Variants in ZNF275 observed in about 807,000 individuals in gnomAD.
ZNF275 encodes the protein zinc finger protein 275.
A neutral mutation model predicts 4.3 loss-of-function variants in ZNF275; 4 were observed. The observed-to-expected ratio is 0.93, with a 90% confidence interval of 0.46 to 2.13. The LOEUF is 2.13. Among genes scored for constraint, ZNF275 ranks in the 30% most tolerant of loss-of-function variants. The pLI is 0.02. For missense variants in ZNF275, 352 were observed against 397.1 expected (o/e 0.89, Z 0.97); for synonymous variants, 173 against 166.9 (o/e 1.04, Z -0.28).
intron 2 of ZNF275, among the ~76,000 whole-genome samples, chrX:153,337,214 G>C (rs2088451924): frequency 9.0e-6 from 1 of 111,555 alleles, no homozygotes; most frequent in Admixed American, 9.5e-5. Context: ...TGGTCTTGCT[G>C]CCTTTCCCCT....
chrX:153,347,909 C>T lies in ZNF275; in HGVS notation c.1224C>T (p.Ser408=), dbSNP rs782047830. 16 of 1,175,374 alleles carry T rather than the reference C, an allele frequency of 1.4e-5. 1 individual carries two copies. The East Asian group carries it at 4.7e-4, about 34-fold the overall frequency. The change falls in exon 4 of 4, where the codon AGC becomes AGT. Residue 408 remains serine, a synonymous_variant. Transcript: ENST00000650114. The part of the protein sequence containing the change: ...IHSGARRCEC[S]QCGRVFKRRS... ...GTGGGGCGCGGCGCTGCGAATGCAGCCAGTGTGGCCGCGTGTTCAAGAGGC... is the reference window on the plus strand; with the variant it reads ...GTGGGGCGCGGCGCTGCGAATGCAGTCAGTGTGGCCGCGTGTTCAAGAGGC...
rs2088557427 is a variant in ZNF275, at chrX:153,351,693, T to G, written c.*3718T>G. On this transcript the variant is annotated 3_prime_UTR_variant, in exon 4 of 4. Transcript: ENST00000650114. Reference sequence around the variant, plus strand: ...AAAATTTTCAAAAGAAAGTAATTGATTACCATTTTTGCTGCTTATTACGAT... The same window carrying G: ...AAAATTTTCAAAAGAAAGTAATTGAGTACCATTTTTGCTGCTTATTACGAT... 1 of 112,361 alleles carries G rather than the reference T, an allele frequency of 8.9e-6. No individual in the cohort carries two copies. Among genetic ancestry groups the G allele is most frequent in the African/African-American group, 3.2e-5 (1 of 30,862 alleles). The allele number at this position is 112,361 out of a possible 1,213,427, so 9.3% of individuals were successfully genotyped here. A position where few individuals can be genotyped will look rare whatever the true frequency, so the allele number is the denominator to read the frequency against.
chrX:153,346,723 G>A (rs954911931), intron 3 of ZNF275, 96 bp from the exon 4 acceptor site: 9 of 971,862 alleles, frequency 9.3e-6, no homozygotes, highest in Non-Finnish European at 1.2e-5. Context: ...CCCGTGCTCA[G>A]TGGCTGTCTC....
At chrX:153,337,864 C>T (rs1255579042) in intron 2 of ZNF275, among the ~76,000 whole-genome samples, 2 of 111,773 alleles carry the variant, frequency 1.8e-5, no homozygotes, top group Non-Finnish European at 3.8e-5. Context: ...TGTTTTTCCA[C>T]AGTATTTCTT....
intron 3 of ZNF275, among the ~76,000 whole-genome samples, chrX:153,346,058 T>C (rs1480387738): frequency 6.7e-5 from 7 of 104,364 alleles, no homozygotes; most frequent in Admixed American, 4.0e-4. Context: ...AGGGGCCCAT[T>C]TGGGCTCCTG....
rs1556961995 is a variant in ZNF275, at chrX:153,348,757, TGTC to T, written c.*785_*787del. 1 of 123,364 alleles carries T rather than the reference TGTC, an allele frequency of 8.1e-6. No homozygotes were observed. The highest frequency in any genetic ancestry group is 3.2e-5 in the African/African-American group (1 of 30,770). 10.2% of individuals were successfully genotyped at this position (123,364 alleles called of 1,213,427 possible). A position where few individuals can be genotyped will look rare whatever the true frequency, so the allele number is the denominator to read the frequency against. The stretch of plus-strand genomic sequence containing the variant: ...TGCAGAACATTAGGACGATTTCTCT[TGTC>T]GTTTTTTAATCTGTCCTGTGACTGT... On this transcript the variant is annotated 3_prime_UTR_variant, in exon 4 of 4. Coordinates refer to ENST00000650114, the MANE Select transcript of ZNF275 (RefSeq NM_001367757.1).
In ZNF275 at chrX:153,347,805, C is replaced by A; in HGVS notation, c.1120C>A (p.Leu374Met). ...LIKHRRIHSG[L>M]KPYECDKCGK... ...CAAGCACCGGCGCATCCACAGCGGA[C>A]TGAAACCCTATGAGTGCGACAAATG... Residue 374 changes from leucine to methionine, a missense_variant, in exon 4 of 4, where the codon CTG (leucine) becomes ATG (methionine). Coordinates refer to ENST00000650114, the MANE Select transcript of ZNF275 (RefSeq NM_001367757.1). 8.3e-7 allele frequency: 1 copy of A among 1,209,802 alleles called. No homozygotes were observed. Among genetic ancestry groups the A allele is most frequent in the Admixed American group, 2.2e-5 (1 of 45,949 alleles).
At chrX:153,335,770 G>A (rs2088441785) in intron 1 of ZNF275, among the ~76,000 whole-genome samples, 1 of 110,213 alleles carries the variant, frequency 9.1e-6, no homozygotes, top group Non-Finnish European at 1.9e-5. Flanking sequence ...TTAAGGAGGT[G>A]CAGCTCTGCA....
rs782518354 is a variant in ZNF275, at chrX:153,342,935, C to T, written c.32-2585C>T. ...CTGCTCTGAATGCTGGCCTGTGTCTCCTCAACTTGGCGAAGCCACTAAGCT... is the reference window on the plus strand; with the variant it reads ...CTGCTCTGAATGCTGGCCTGTGTCTTCTCAACTTGGCGAAGCCACTAAGCT... On this transcript the variant is annotated intron_variant, in intron 2 of 3. Coordinates refer to ENST00000650114, the MANE Select transcript of ZNF275 (RefSeq NM_001367757.1). 2.3e-3 allele frequency among the ~76,000 whole-genome samples: 258 copies of T among 112,765 alleles called. 2 individuals are homozygous for T. Among genetic ancestry groups the T allele is most frequent in the Non-Finnish European group, 3.6e-3 (194 of 53,340 alleles).
chrX:153,334,871 T>TGGGGGGGGGGG, intron 1 of ZNF275, among the ~76,000 whole-genome samples: 1 of 55,107 alleles, frequency 1.8e-5, no homozygotes, highest in Non-Finnish European at 3.6e-5. Flanking sequence ...TGGGTGGGAG[T>TGGGGGGGGGGG]GGGGGGGGGC....
At position 153,346,306 on chromosome X, in the gene ZNF275, G is replaced by A. The variant is rs782279957; in HGVS notation, c.134-513G>A. Among the ~76,000 whole-genome samples the A allele has an allele frequency of 1.2e-3, 127 of 110,136 alleles. 1 individual carries two copies. The highest frequency in any genetic ancestry group is 4.0e-3 in the African/African-American group (122 of 30,153). ...TTGGGGCCCCAGCTGAGCTCTTGAC[G>A]GTGAGGTTAGGGTTGAGAGGATCAG... is the stretch of plus-strand genomic sequence containing the variant. On this transcript the variant is annotated intron_variant, in intron 3 of 3. Transcript: ENST00000650114.
At position 153,343,264 on chromosome X, in the gene ZNF275, A is replaced by G. The variant is rs782141687; in HGVS notation, c.32-2256A>G. 3.6e-5 allele frequency: 7 copies of G among 193,641 alleles called. No homozygotes were observed. In the East Asian group the frequency reaches 8.7e-4, roughly 24 times the overall value. 16.0% of individuals were successfully genotyped at this position (193,641 alleles called of 1,213,427 possible). On this transcript the variant is annotated intron_variant, in intron 2 of 3. Transcript: ENST00000650114. ...TTTTATATAAGAGTCTTTCTGGAGT[A>G]GCTGGATTTTGTGGGCCTTGAGCCA... is the stretch of plus-strand genomic sequence containing the variant.
intron 2 of ZNF275, among the ~76,000 whole-genome samples, chrX:153,337,417 GT>G (rs1415080284): frequency 8.9e-6 from 1 of 111,984 alleles, no homozygotes; most frequent in Non-Finnish European, 1.9e-5. Flanking sequence ...TGTGACGTGG[GT>G]TGTTTTTTGT....
chrX:153,341,778 A>G (rs1250978462), intron 2 of ZNF275, among the ~76,000 whole-genome samples: 2 of 112,287 alleles, frequency 1.8e-5, no homozygotes, highest in Non-Finnish European at 3.8e-5. Context: ...TGGTTTTCTG[A>G]CTTGCACATT....
rs948287964 is a variant in ZNF275, at chrX:153,349,495, G to T, written c.*1520G>T. On this transcript the variant is annotated 3_prime_UTR_variant, in exon 4 of 4. Coordinates refer to ENST00000650114, the MANE Select transcript of ZNF275 (RefSeq NM_001367757.1). ...TTACCTTCGGATATATTAACTTTAT[G>T]TAGCAGTTCTTTCTATATTGATGGT... The T allele has an allele frequency of 2.4e-5, 3 of 123,962 alleles. No homozygotes were observed. The highest frequency in any genetic ancestry group is 9.7e-5 in the African/African-American group (3 of 31,070). 10.2% of individuals were successfully genotyped at this position (123,962 alleles called of 1,213,427 possible).
At position 153,347,922 on chromosome X, in the gene ZNF275, G is replaced by A. The variant is rs1207719754; in HGVS notation, c.1237G>A (p.Val413Met). The A allele has an allele frequency of 2.6e-6, 3 of 1,166,012 alleles. No individual in the cohort carries two copies. Among genetic ancestry groups the A allele is most frequent in the Non-Finnish European group, 3.4e-6 (3 of 871,173 alleles). Residue 413 changes from valine to methionine, a missense_variant, in exon 4 of 4, where the codon GTG becomes ATG. Transcript: ENST00000650114. Reference sequence around the variant, plus strand: ...CTGCGAATGCAGCCAGTGTGGCCGCGTGTTCAAGAGGCGCTCGGCACTGCA... The same window carrying A: ...CTGCGAATGCAGCCAGTGTGGCCGCATGTTCAAGAGGCGCTCGGCACTGCA... ...RRCECSQCGR[V>M]FKRRSALQKH...
chrX:153,336,796 G>A, intron 2 of ZNF275, 86 bp downstream of exon 2: 1 of 992,200 alleles, frequency 1.0e-6, no homozygotes, highest in Non-Finnish European at 1.4e-6. Context: ...GTTACAACAT[G>A]GTGAGGAGTA....
At chrX:153,344,908 G>C in intron 2 of ZNF275, 1 of 282,265 alleles carries the variant, frequency 3.5e-6, no homozygotes. Flanking sequence ...TGCCACACCT[G>C]ATATGTCAGA....
At chrX:153,339,787 A>G (rs2088469659) in intron 2 of ZNF275, among the ~76,000 whole-genome samples, 1 of 111,765 alleles carries the variant, frequency 8.9e-6, no homozygotes, top group Non-Finnish European at 1.9e-5. Context: ...GTCTTGGCCT[A>G]TCGAGGATTG....
Sources: gnomAD v4.1 joint callset for allele counts (sites outside exome capture counted in the v4.1 genomes callset) on GRCh38, gnomAD v4.1.1 for gene constraint, MANE v1.5 for transcripts, NCBI Gene and HGNC (gene_info 2026-07-23, HGNC 2026-07-21) for gene names.